PDE1A: variants seen among roughly 807,000 people sequenced by gnomAD.
The protein encoded by PDE1A is phosphodiesterase 1A.
PDE1A carries 35 observed loss-of-function variants against 61.7 expected under a neutral mutation model. The ratio of observed to expected loss-of-function variants is 0.57; its 90% CI spans 0.43 to 0.75. The LOEUF (loss-of-function observed/expected upper bound fraction) is 0.75. PDE1A is among the 30% of genes least tolerant of loss of function. The pLI, the probability that PDE1A is intolerant of heterozygous loss-of-function variation, is 0.00. For synonymous variants in PDE1A, 232 were observed against 213.2 expected (o/e 1.09, Z -0.77); for missense variants, 597 against 630.6 (o/e 0.95, Z 0.57).
chr2:182,475,429 A>ATATAT (rs1201689840), intron 2 of PDE1A, among the ~76,000 whole-genome samples: 1 of 151,986 alleles, frequency 6.6e-6, no homozygotes, highest in African/African-American at 2.4e-5. Flanking sequence ...TATATACAGT[A>ATATAT]TCTCACTGAG....
chr2:182,174,316 C>T (rs1406161530), intron 13 of PDE1A, among the ~76,000 whole-genome samples: 1 of 152,036 alleles, frequency 6.6e-6, no homozygotes, highest in Non-Finnish European at 1.5e-5. Context: ...TCCATGGACG[C>T]AGACCTAGGT....
intron 6 of PDE1A, 83 bp from the exon 7 acceptor site, chr2:182,224,047 C>A: frequency 1.2e-6 from 1 of 801,446 alleles, no homozygotes. Flanking sequence ...TCAGTGCACC[C>A]TGTTTATGTA....
chr2:182,706,354 T>C, the PDE1A span, among the ~76,000 whole-genome samples: 2 of 152,332 alleles, frequency 1.3e-5, no homozygotes, highest in South Asian at 4.1e-4. Context: ...CTTTTGATTA[T>C]GTTAATTTGG....
intron 1 of PDE1A, among the ~76,000 whole-genome samples, chr2:182,397,903 T>G (rs1387559842): frequency 5.9e-5 from 9 of 152,080 alleles, no homozygotes; most frequent in Admixed American, 5.9e-4. Flanking sequence ...TACAATTTAT[T>G]TGGGGAGATG....
At chr2:182,620,129 A>G in the PDE1A span, among the ~76,000 whole-genome samples, 4 of 152,210 alleles carry the variant, frequency 2.6e-5, no homozygotes, top group African/African-American at 4.8e-5. Context: ...AAATTAAGCC[A>G]AGTATAGAAT....
At chr2:182,494,018 CAG>C (rs1688559130) in intron 2 of PDE1A, among the ~76,000 whole-genome samples, 2 of 152,322 alleles carry the variant, frequency 1.3e-5, no homozygotes, top group African/African-American at 2.4e-5. Flanking sequence ...ATTATATAAA[CAG>C]AGAATGATAA....
the PDE1A span, among the ~76,000 whole-genome samples, chr2:182,589,269 G>GAGGAAGGAAGGAAGGAAGGAAGGA: frequency 1.2e-4 from 15 of 121,850 alleles, no homozygotes; most frequent in African/African-American, 3.6e-4. Context: ...GGGAGGGAGG[G>GAGGAAGGAAGGAAGGAAGGAAGGA]AGGAAGGAAG....
chr2:182,630,464 T>G, the PDE1A span, among the ~76,000 whole-genome samples: 1 of 152,138 alleles, frequency 6.6e-6, no homozygotes, highest in Non-Finnish European at 1.5e-5. Flanking sequence ...ACTGATCTAT[T>G]CTGATGCCAA....
chr2:182,270,799 C>A (rs938455391), intron 1 of PDE1A, among the ~76,000 whole-genome samples: 1 of 151,454 alleles, frequency 6.6e-6, no homozygotes, highest in African/African-American at 2.4e-5. Context: ...ACTATCAGAA[C>A]AAGAAGCTAC....
At chr2:182,457,284 T>C (rs931242623) in intron 2 of PDE1A, among the ~76,000 whole-genome samples, 17 of 152,048 alleles carry the variant, frequency 1.1e-4, no homozygotes, top group African/African-American at 4.1e-4. Context: ...TCTTATTTTA[T>C]TGACCTTGTC....
At chr2:182,413,324 A>T (rs913790708) in intron 1 of PDE1A, among the ~76,000 whole-genome samples, 1 of 152,222 alleles carries the variant, frequency 6.6e-6, no homozygotes, top group Non-Finnish European at 1.5e-5. Context: ...ACTGTGGAAG[A>T]GGGGCTGAAG....
chr2:182,490,978 A>G (rs1264534827), intron 2 of PDE1A, among the ~76,000 whole-genome samples: 6 of 152,170 alleles, frequency 3.9e-5, no homozygotes, highest in African/African-American at 1.4e-4. Flanking sequence ...GGGGGAAGGA[A>G]GCATCTGAGG....
chr2:182,656,286 T>A, the PDE1A span, among the ~76,000 whole-genome samples: 1 of 152,138 alleles, frequency 6.6e-6, no homozygotes, highest in Non-Finnish European at 1.5e-5. Context: ...GAAGTATAGA[T>A]CTATATTTGA....
intron 10 of PDE1A, among the ~76,000 whole-genome samples, chr2:182,194,688 A>G (rs1205609388): frequency 1.3e-5 from 2 of 152,110 alleles, no homozygotes; most frequent in African/African-American, 2.4e-5. Context: ...TAGTAGCACT[A>G]AAGAATGGGA....
intron 13 of PDE1A, among the ~76,000 whole-genome samples, chr2:182,177,770 C>T (rs1294099614): frequency 6.6e-6 from 1 of 152,048 alleles, no homozygotes; most frequent in Non-Finnish European, 1.5e-5. Context: ...CAGTTTCCTC[C>T]TGAAATATGT....
rs1350745597 is a variant in PDE1A at position 182,492,512 on chromosome 2, A to G, written c.101+29764T>C. Reference sequence around the variant, plus strand: ...TCACATAAAATTTTTAGTAATAGCAAGATTCTATCAAACTTTCTGAAATTC... The same window carrying G: ...TCACATAAAATTTTTAGTAATAGCAGGATTCTATCAAACTTTCTGAAATTC... On this transcript the variant is annotated intron_variant, in intron 2 of 14. Coordinates refer to the PDE1A transcript ENST00000410103. Among the ~76,000 whole-genome samples the G allele has an allele frequency of 2.0e-5, 3 of 152,334 alleles. No individual in the cohort carries two copies. In the East Asian group the frequency reaches 5.8e-4, roughly 29 times the overall value.
chr2:182,673,487 C>A, the PDE1A span, among the ~76,000 whole-genome samples: 1 of 151,676 alleles, frequency 6.6e-6, no homozygotes. Context: ...CAATAGCATG[C>A]TAAGAAAAGT....
At chr2:182,282,249 G>A (rs1213980952) in intron 1 of PDE1A, among the ~76,000 whole-genome samples, 1 of 151,892 alleles carries the variant, frequency 6.6e-6, no homozygotes, top group Non-Finnish European at 1.5e-5. Flanking sequence ...TGCTCAAGTA[G>A]GTCTTGGCTA....
intron 2 of PDE1A, among the ~76,000 whole-genome samples, chr2:182,437,648 G>T (rs1332236115): frequency 6.6e-6 from 1 of 151,844 alleles, no homozygotes; most frequent in Non-Finnish European, 1.5e-5. Context: ...TTGTACAGCT[G>T]GGACTGACAA....
Sources: allele counts gnomAD v4.1 joint callset (sites outside exome capture counted in the v4.1 genomes callset), GRCh38; gene constraint gnomAD v4.1.1; transcripts MANE v1.5; gene names NCBI Gene and HGNC (gene_info 2026-07-23, HGNC 2026-07-21).